Variants in NAA15 observed in about 807,000 individuals in gnomAD.
NAA15 encodes N-alpha-acetyltransferase 15, NatA auxiliary subunit, also known as N-terminal acetyltransferase.
A neutral mutation model predicts 114.0 loss-of-function variants in NAA15; 34 were observed. The observed-to-expected ratio is 0.30, with a 90% CI of 0.23 to 0.40. NAA15 has a LOEUF of 0.40. Ranked by LOEUF, NAA15 falls within the 10% of genes least tolerant of loss-of-function variation. NAA15 has a pLI of 1.00. For synonymous variants in NAA15, 340 were observed against 338.0 expected (o/e 1.01, Z -0.06); for missense variants, 658 against 1,004.5 (o/e 0.66, Z 4.66).
intron 1 of NAA15, among the ~76,000 whole-genome samples, chr4:139,321,563 C>G (rs976143559): frequency 2.2e-4 from 33 of 150,784 alleles, no homozygotes; most frequent in Non-Finnish European, 4.7e-4. Flanking sequence ...GCTCCGCCTC[C>G]CGGATTCATG....
At position 139,301,761 on chromosome 4, in the gene NAA15, C is replaced by T; in HGVS notation, c.-17C>T. On this transcript the variant is annotated 5_prime_UTR_variant, in exon 1 of 20. Transcript: ENST00000296543. Reference sequence around the variant, plus strand: ...CCGAGCCGGGTGGTGGCGGGAGCAGCGGGAGCAGCCGGAACGATGCCGGCC... The same window carrying T: ...CCGAGCCGGGTGGTGGCGGGAGCAGTGGGAGCAGCCGGAACGATGCCGGCC... 6.4e-7 allele frequency: 1 copy of T among 1,562,724 alleles called. No individual in the cohort carries two copies. The highest frequency in any genetic ancestry group is 8.7e-7 in the Non-Finnish European group (1 of 1,152,790).
At chr4:139,321,452 C>T (rs1426433316) in intron 1 of NAA15, among the ~76,000 whole-genome samples, 1 of 150,206 alleles carries the variant, frequency 6.7e-6, no homozygotes, top group Non-Finnish European at 1.5e-5. Flanking sequence ...ACTTGAGCCA[C>T]AGTGCCTGGC....
chr4:139,378,770 A>T lies in NAA15; in HGVS notation c.2071A>T (p.Met691Leu), dbSNP rs1386176004. ...IYFRKEKFLL[M>L]LQSVKRAFAI... ...TCTTTTTATAGAAAAGTTTCTTTTGATGCTACAATCAGTAAAGAGGGCATT... is the reference window on the plus strand; with the variant it reads ...TCTTTTTATAGAAAAGTTTCTTTTGTTGCTACAATCAGTAAAGAGGGCATT... Residue 691 changes from methionine to leucine, a missense_variant, in exon 17 of 20, where the codon ATG (methionine) becomes TTG (leucine). Physicochemically the swap from Met to Leu is conservative, Grantham distance 15. This residue lies in a region of NAA15 where 275 missense variants were observed against 371.1 expected (regional missense o/e 0.74). Coordinates refer to ENST00000296543, the MANE Select transcript of NAA15 (RefSeq NM_057175.5). 1 of 1,559,610 alleles carries T rather than the reference A, an allele frequency of 6.4e-7. No homozygotes were observed. Among genetic ancestry groups the T allele is most frequent in the Non-Finnish European group, 8.6e-7 (1 of 1,160,190 alleles).
intron 1 of NAA15, chr4:139,302,121 G>A: frequency 2.8e-6 from 1 of 356,928 alleles, no homozygotes. Flanking sequence ...CCCCGATCTG[G>A]GGGAGAAGAG....
intron 10 of NAA15, among the ~76,000 whole-genome samples, chr4:139,356,116 A>G (rs1474026036): frequency 6.6e-6 from 1 of 152,250 alleles, no homozygotes; most frequent in African/African-American, 2.4e-5. Context: ...ATTTAAGCAT[A>G]TTTGATGTTT....
chr4:139,351,453 A>G, intron 8 of NAA15, 52 bp from the exon 9 acceptor site: 1 of 1,180,140 alleles, frequency 8.5e-7, no homozygotes, highest in Non-Finnish European at 1.3e-6. Context: ...ACTTTGGTAA[A>G]TGTAAGTAAA....
chr4:139,377,670 A>C (rs1224829793), intron 16 of NAA15, among the ~76,000 whole-genome samples: 1 of 152,318 alleles, frequency 6.6e-6, no homozygotes, highest in South Asian at 2.1e-4. Flanking sequence ...TAGGTATATA[A>C]TATAGAAGTG....
At chr4:139,358,995 C>G (rs1316885121) in intron 11 of NAA15, among the ~76,000 whole-genome samples, 2 of 151,658 alleles carry the variant, frequency 1.3e-5, no homozygotes, top group Non-Finnish European at 1.5e-5. Flanking sequence ...GGCCCAGCTA[C>G]TCGGGAGGCT....
chr4:139,336,812 T>A (rs771173405), intron 2 of NAA15, 36 bp from the exon 3 acceptor site: 97 of 1,274,936 alleles, frequency 7.6e-5, no homozygotes, highest in African/African-American at 5.2e-4. Flanking sequence ...TTTATTTTTT[T>A]AAAATGTTCC....
rs1386491431 is a variant in NAA15, at chr4:139,361,628, TCATG to T, written c.1540-94_1540-91del. The stretch of plus-strand genomic sequence containing the variant: ...TTTTTTAAAATTTTACTAGTTTTTT[TCATG>T]CCAAAGTAACAAGTATTCCAATGCT... On this transcript the variant is annotated intron_variant, in intron 13 of 19. Coordinates refer to ENST00000296543, the MANE Select transcript of NAA15 (RefSeq NM_057175.5). 4 of 739,680 alleles carry T rather than the reference TCATG, an allele frequency of 5.4e-6. No individual in the cohort carries two copies. The East Asian group carries it at 1.1e-4, about 21-fold the overall frequency. 45.8% of individuals were successfully genotyped at this position (739,680 alleles called of 1,614,324 possible).
In NAA15 at chr4:139,357,236, C is replaced by A. The variant is rs1747986631; in HGVS notation, c.1088-150C>A. The A allele has an allele frequency of 1.4e-5, 9 of 666,382 alleles. No homozygotes were observed. In the Admixed American group the frequency reaches 2.7e-4, roughly 20 times the overall value. 41.3% of individuals were successfully genotyped at this position (666,382 alleles called of 1,614,324 possible). On this transcript the variant is annotated intron_variant, in intron 10 of 19. Coordinates refer to ENST00000296543, the MANE Select transcript of NAA15 (RefSeq NM_057175.5). ...AGAAAATATGGACCTTTCCAAAGAT[C>A]TTATAAACTTAGGAGGAGTTTTATA...
intron 14 of NAA15, among the ~76,000 whole-genome samples, chr4:139,366,809 A>G (rs181358333): frequency 9.2e-5 from 14 of 152,162 alleles, no homozygotes; most frequent in African/African-American, 2.6e-4. Context: ...GGGTCTTGCT[A>G]TGTTGCCCAG....
At position 139,378,739 on chromosome 4, in the gene NAA15, ACT is replaced by A. The variant is rs1477017384; in HGVS notation, c.2057-16_2057-15del. 6.7e-7 allele frequency: 1 copy of A among 1,484,582 alleles called. No individual in the cohort carries two copies. Among genetic ancestry groups the A allele is most frequent in the East Asian group, 2.5e-5 (1 of 40,216 alleles). 92.0% of individuals were successfully genotyped at this position (1,484,582 alleles called of 1,614,324 possible). On this transcript the variant is annotated splice_polypyrimidine_tract_variant and intron_variant, in intron 16 of 19. Transcript: ENST00000296543. ...TTATCCAATGATCAAAATATATCTT[ACT>A]TTCTCTTTTTATAGAAAAGTTTCTT... is the stretch of plus-strand genomic sequence containing the variant.
At chr4:139,385,299 T>TTATATATATATATATAA (rs1748879719) in intron 18 of NAA15, among the ~76,000 whole-genome samples, 1 of 94,898 alleles carries the variant, frequency 1.1e-5, no homozygotes, top group East Asian at 2.4e-4. Flanking sequence ...TATATATATA[T>TTATATATATATATATAA]AATATATATT....
At chr4:139,318,377 G>T (rs1037555293) in intron 1 of NAA15, 1 of 151,454 alleles carries the variant, frequency 6.6e-6, no homozygotes, top group African/African-American at 2.4e-5. Flanking sequence ...TTAAATATAC[G>T]GTGCTTCTTT....
intron 10 of NAA15, among the ~76,000 whole-genome samples, chr4:139,355,818 T>A (rs1333039730): frequency 6.6e-6 from 1 of 152,214 alleles, no homozygotes; most frequent in South Asian, 2.1e-4. Flanking sequence ...GGCATATTCT[T>A]CTATTAGTAG....
At chr4:139,317,518 G>T (rs1347548946) in intron 1 of NAA15, among the ~76,000 whole-genome samples, 1 of 152,178 alleles carries the variant, frequency 6.6e-6, no homozygotes, top group African/African-American at 2.4e-5. Context: ...CTACTCGGAA[G>T]GCTGAGGCAG....
At chr4:139,336,998 G>A (rs1290529515) in intron 3 of NAA15, 46 bp downstream of exon 3, 1 of 1,252,776 alleles carries the variant, frequency 8.0e-7, no homozygotes, top group Non-Finnish European at 1.1e-6. Context: ...GGTGTTTTGA[G>A]CTAAGGCAGC....
intron 1 of NAA15, among the ~76,000 whole-genome samples, chr4:139,315,879 TA>T (rs984130259): frequency 1.8e-4 from 27 of 150,646 alleles, no homozygotes; most frequent in African/African-American, 2.9e-4. Context: ...CTCTCTTTTT[TA>T]AAAAAAAAAA....
Sources: gnomAD v4.1 joint callset for allele counts (sites outside exome capture counted in the v4.1 genomes callset) on GRCh38, gnomAD v4.1.1 for gene constraint, gnomAD v4.1.1 regional missense constraint, MANE v1.5 for transcripts, NCBI Gene and HGNC (gene_info 2026-07-23, HGNC 2026-07-21) for gene names.